DLGAP1: variants seen among roughly 807,000 people sequenced by gnomAD.
The protein encoded by DLGAP1 is DLG associated protein 1, also known as disks large-associated protein 1.
Under a neutral mutation model 90.8 loss-of-function variants are expected in DLGAP1, and 11 were observed. The observed-to-expected ratio is 0.12, with a 90% CI of 0.08 to 0.20. The LOEUF is 0.20. Among genes scored for constraint, DLGAP1 ranks in the 10% least tolerant of loss-of-function variants. DLGAP1 has a pLI of 1.00. For synonymous variants in DLGAP1, 558 were observed against 540.7 expected (o/e 1.03, Z -0.44); for missense variants, 1,050 against 1,333.8 (o/e 0.79, Z 3.31).
At chr18:4,202,323 T>G (rs1236536193) in intron 1 of DLGAP1, among the ~76,000 whole-genome samples, 1 of 152,112 alleles carries the variant, frequency 6.6e-6, no homozygotes, top group Non-Finnish European at 1.5e-5. Context: ...GAGGAATACA[T>G]AGTGGTATAA....
intron 1 of DLGAP1, among the ~76,000 whole-genome samples, chr18:4,160,269 A>T (rs1033552089): frequency 6.6e-6 from 1 of 152,166 alleles, no homozygotes; most frequent in Non-Finnish European, 1.5e-5. Context: ...TTACATTTGC[A>T]AGGCATTTTT....
intron 1 of DLGAP1, among the ~76,000 whole-genome samples, chr18:4,159,518 C>T (rs528836760): frequency 1.3e-5 from 2 of 152,254 alleles, no homozygotes; most frequent in East Asian, 3.9e-4. Context: ...TCTCTGTAGC[C>T]CTTTCTTCAC....
At chr18:4,196,764 T>A (rs1598599070) in intron 1 of DLGAP1, among the ~76,000 whole-genome samples, 1 of 152,282 alleles carries the variant, frequency 6.6e-6, no homozygotes, top group African/African-American at 2.4e-5. Context: ...TTTTTCTCAC[T>A]TCTATCTCAT....
intron 1 of DLGAP1, among the ~76,000 whole-genome samples, chr18:4,277,907 C>A (rs1034127751): frequency 6.6e-6 from 1 of 152,148 alleles, no homozygotes; most frequent in Non-Finnish European, 1.5e-5. Context: ...ACTCTAAAAG[C>A]CTTTTCTCCC....
chr18:4,003,101 T>C (rs1248405349), intron 3 of DLGAP1, among the ~76,000 whole-genome samples: 3 of 152,192 alleles, frequency 2.0e-5, no homozygotes, highest in Non-Finnish European at 4.4e-5. Context: ...ACCAGGGTGG[T>C]AGAGGATAAG....
chr18:3,587,220 A>C (rs906852838), intron 7 of DLGAP1, among the ~76,000 whole-genome samples: 2 of 151,984 alleles, frequency 1.3e-5, no homozygotes, highest in Non-Finnish European at 2.9e-5. Context: ...ATGCCTGGCT[A>C]ATTTTTGTGG....
chr18:3,874,096 T>A, intron 4 of DLGAP1: 1 of 1,545,790 alleles, frequency 6.5e-7, no homozygotes, highest in Non-Finnish European at 8.7e-7. Flanking sequence ...ACAAAAACCA[T>A]CCAAATCAAC....
chr18:3,908,463 A>G (rs1243276957), intron 3 of DLGAP1, among the ~76,000 whole-genome samples: 2 of 152,170 alleles, frequency 1.3e-5, no homozygotes, highest in Non-Finnish European at 2.9e-5. Flanking sequence ...TTGAAAAATT[A>G]CTGATTTCTG....
intron 1 of DLGAP1, among the ~76,000 whole-genome samples, chr18:4,340,006 G>C (rs1022639423): frequency 2.0e-5 from 3 of 151,848 alleles, no homozygotes; most frequent in African/African-American, 4.8e-5. Context: ...CTTATCAATG[G>C]GGGATATCTT....
intron 8 of DLGAP1, 89 bp from the exon 9 acceptor site, chr18:3,567,670 A>T (rs2054513355): frequency 8.7e-7 from 1 of 1,144,480 alleles, no homozygotes; most frequent in Non-Finnish European, 1.3e-6. Context: ...AAAATCTCTA[A>T]TATGACTGGA....
chr18:3,511,551 CG>C (rs1173317055), intron 10 of DLGAP1, among the ~76,000 whole-genome samples: 1 of 148,372 alleles, frequency 6.7e-6, no homozygotes, highest in African/African-American at 2.5e-5. Context: ...CCAACCTTCA[CG>C]GTGGAAAAAA....
rs115219683 is a variant in DLGAP1, at chr18:3,969,626, G to A, written c.-73+35490C>T. On this transcript the variant is annotated intron_variant, in intron 3 of 12. Coordinates refer to ENST00000315677, the MANE Select transcript of DLGAP1 (RefSeq NM_004746.4). The stretch of plus-strand genomic sequence containing the variant: ...CAAGTTATAGCAGTTTCACGATTTC[G>A]GTCTATTCTTAAAAAAAATCCTACC... Among the ~76,000 whole-genome samples the A allele has an allele frequency of 3.4e-3, 522 of 152,120 alleles. 5 individuals carry two copies. The highest frequency in any genetic ancestry group is 0.012 in the African/African-American group (482 of 41,494).
chr18:4,265,806 G>A (rs2079118417), intron 1 of DLGAP1, among the ~76,000 whole-genome samples: 1 of 151,094 alleles, frequency 6.6e-6, no homozygotes, highest in East Asian at 2.0e-4. Context: ...TCCTGCCTCC[G>A]CCTTCTCAGT....
intron 1 of DLGAP1, among the ~76,000 whole-genome samples, chr18:4,377,901 T>A (rs1477000250): frequency 6.6e-6 from 1 of 151,926 alleles, no homozygotes; most frequent in African/African-American, 2.4e-5. Flanking sequence ...TAATCATATA[T>A]GCACAAAACT....
intron 2 of DLGAP1, among the ~76,000 whole-genome samples, chr18:4,041,344 T>C (rs1002068501): frequency 6.6e-6 from 1 of 152,212 alleles, no homozygotes; most frequent in African/African-American, 2.4e-5. Context: ...ATGAGGAATA[T>C]GGAGTAGAAA....
rs1412407373 is a variant in DLGAP1 at position 3,497,570 on chromosome 18, TTATTTTAA to T, written c.*1607_*1614del. 1 of 152,246 alleles carries T rather than the reference TTATTTTAA, an allele frequency of 6.6e-6. No homozygotes were observed. The allele number at this position is 152,246 out of a possible 1,614,324, so 9.4% of individuals were successfully genotyped here. On this transcript the variant is annotated 3_prime_UTR_variant, in exon 13 of 13. Transcript: ENST00000315677. ...ATTAGCACCTGGCTATGAGAGTGTA[TTATTTTAA>T]AAAGCTTCTCTGGTGCAAGCATGTT...
chr18:3,673,996 C>T (rs2060196381), intron 7 of DLGAP1, among the ~76,000 whole-genome samples: 2 of 152,014 alleles, frequency 1.3e-5, no homozygotes, highest in African/African-American at 4.8e-5. Flanking sequence ...GCACCCACCA[C>T]CACACCCAGC....
In DLGAP1 at chr18:4,269,350, A is replaced by ATT. The variant is rs1276704887; in HGVS notation, c.-266-118064_-266-118063insAA. Among the ~76,000 whole-genome samples the ATT allele has an allele frequency of 1.1e-3, 140 of 127,024 alleles. 1 individual carries two copies. The highest frequency in any genetic ancestry group is 3.1e-3 in the African/African-American group (94 of 30,682). The allele number at this position is 127,024 out of a possible 152,430, so 83.3% of individuals were successfully genotyped here. A position where few individuals can be genotyped will look rare whatever the true frequency, so the allele number is the denominator to read the frequency against. Reference sequence around the variant, plus strand: ...TATATATACATATATATATATATATATATATTTTTTTTTTTCTTTTTGAGA... The same window carrying ATT: ...TATATATACATATATATATATATATATTTATATTTTTTTTTTTCTTTTTGAGA... On this transcript the variant is annotated intron_variant, in intron 1 of 12. Coordinates refer to ENST00000315677, the MANE Select transcript of DLGAP1 (RefSeq NM_004746.4).
chr18:4,148,627 T>C (rs1306332421), intron 2 of DLGAP1, among the ~76,000 whole-genome samples: 1 of 152,192 alleles, frequency 6.6e-6, no homozygotes, highest in Non-Finnish European at 1.5e-5. Flanking sequence ...TTTGATTCTG[T>C]CTGCTCTTTT....
Sources: allele counts gnomAD v4.1 joint callset (sites outside exome capture counted in the v4.1 genomes callset), GRCh38; gene constraint gnomAD v4.1.1; transcripts MANE v1.5; gene names NCBI Gene and HGNC (gene_info 2026-07-23, HGNC 2026-07-21).